The following ARHGAP39 variants were observed in gnomAD, a reference collection of about 807,000 sequenced individuals.
ARHGAP39 encodes the protein rho GTPase-activating protein 39.
Under a neutral mutation model 106.9 loss-of-function variants are expected in ARHGAP39, and 44 were observed. The ratio of observed to expected loss-of-function variants is 0.41; its 90% confidence interval spans 0.32 to 0.53. ARHGAP39 has a LOEUF of 0.53. Ranked by LOEUF, ARHGAP39 falls within the 20% of genes least tolerant of loss-of-function variation. The pLI is 0.21. For synonymous variants in ARHGAP39, 768 were observed against 693.2 expected (o/e 1.11, Z -1.69); for missense variants, 1,496 against 1,577.3 (o/e 0.95, Z 0.87).
chr8:144,560,090 C>T (rs1818086299), intron 3 of ARHGAP39, among the ~76,000 whole-genome samples: 1 of 152,190 alleles, frequency 6.6e-6, no homozygotes, highest in Non-Finnish European at 1.5e-5. Context: ...TACATTGCTT[C>T]TCAAATAAAA....
At chr8:144,533,460 T>C (rs1488749273) in intron 8 of ARHGAP39, 135 bp from the exon 9 acceptor site, 3 of 899,306 alleles carry the variant, frequency 3.3e-6, no homozygotes, top group East Asian at 5.3e-5. Flanking sequence ...TGGGTCCGAG[T>C]GTGGTGTTTC....
At chr8:144,603,614 C>A (rs992344718) in intron 2 of ARHGAP39, among the ~76,000 whole-genome samples, 1 of 149,942 alleles carries the variant, frequency 6.7e-6, no homozygotes, top group African/African-American at 2.5e-5. Flanking sequence ...TGCTTCAACC[C>A]GGGAGGCGGA....
At chr8:144,610,748 T>TA (rs1377862316) in intron 1 of ARHGAP39, among the ~76,000 whole-genome samples, 1 of 152,138 alleles carries the variant, frequency 6.6e-6, no homozygotes, top group Non-Finnish European at 1.5e-5. Context: ...TTTAGTATTA[T>TA]AAAATACCCC....
chr8:144,532,382 A>G lies in ARHGAP39; in HGVS notation c.2903T>C (p.Ile968Thr), dbSNP rs2130814827. The G allele has an allele frequency of 6.2e-7, 1 of 1,612,510 alleles. No homozygotes were observed. Among genetic ancestry groups the G allele is most frequent in the Non-Finnish European group, 8.5e-7 (1 of 1,179,634 alleles). ...CAGCTTCAGGGCATTCACCTCGTCA[A>G]TGTCCCCAGGGACCCTGCAGGGCAC... Reference protein sequence around the residue: ...TEGIFRVPGDIDEVNALKLQV... With the variant: ...TEGIFRVPGDTDEVNALKLQV... The change falls in exon 10 of 12, where the codon ATT becomes ACT. Residue 968 changes from isoleucine to threonine, a missense_variant. Ile to Thr is a moderately conservative substitution (Grantham distance 89, BLOSUM62 -1). Around this residue, in one of 4 missense-constraint regions of ARHGAP39, gnomAD observed 470 missense variants for 605.1 expected, o/e 0.78. Transcript: ENST00000377307.
rs1315179196 is a variant in ARHGAP39 at position 144,684,085 on chromosome 8, C to T, written c.-82+1601G>A. Among the ~76,000 whole-genome samples, 1 of 152,208 alleles carries T rather than the reference C, an allele frequency of 6.6e-6. No individual in the cohort carries two copies. Among genetic ancestry groups the T allele is most frequent in the East Asian group, 1.9e-4 (1 of 5,194 alleles). ...AAGCCAGTAAACAGAAGAGTCGCGACTCAGAGGCGGGCAGCCTGGCTCCAG... is the reference window on the plus strand; with the variant it reads ...AAGCCAGTAAACAGAAGAGTCGCGATTCAGAGGCGGGCAGCCTGGCTCCAG... On this transcript the variant is annotated intron_variant, in intron 1 of 11. Transcript: ENST00000377307. The surrounding 1 kb of genome is among the most constrained non-coding windows in gnomAD (Gnocchi z 4.4).
At chr8:144,556,872 A>C (rs76652651) in intron 3 of ARHGAP39, among the ~76,000 whole-genome samples, 1 of 79,454 alleles carries the variant, frequency 1.3e-5, no homozygotes, top group Non-Finnish European at 2.2e-5. Flanking sequence ...TAGTATTCAG[A>C]GGCAAAAGGC....
In ARHGAP39 at chr8:144,545,638, C is replaced by T; in HGVS notation, c.2132G>A (p.Arg711Gln). 3 of 1,613,684 alleles carry T rather than the reference C, an allele frequency of 1.9e-6. No individual in the cohort carries two copies. Among genetic ancestry groups the T allele is most frequent in the Middle Eastern group, 1.7e-4 (1 of 6,060 alleles). The change falls in exon 6 of 12, where the codon CGG becomes CAG. Residue 711 changes from arginine (R) to glutamine (Q), a missense_variant. Coordinates refer to ENST00000377307, the MANE Select transcript of ARHGAP39 (RefSeq NM_025251.3). ...CATGTTGGCGATGGACACCTTCCGC[C>T]GGAAGAGGCCCTGCGTGTGCTTGTT... Reference protein sequence around the residue: ...HFNKHTQGLFRRKVSIANMLA... With the variant: ...HFNKHTQGLFQRKVSIANMLA...
intron 2 of ARHGAP39, among the ~76,000 whole-genome samples, chr8:144,592,838 C>T (rs992441413): frequency 1.1e-4 from 16 of 152,326 alleles, no homozygotes; most frequent in Non-Finnish European, 1.9e-4. Context: ...ACCTCAAGGA[C>T]GGAGGCGTAC....
At chr8:144,601,681 T>A (rs1356431645) in intron 2 of ARHGAP39, among the ~76,000 whole-genome samples, 2 of 136,826 alleles carry the variant, frequency 1.5e-5, no homozygotes, top group African/African-American at 2.8e-5. Context: ...TGCGAGCTCA[T>A]GTACCTGTGT....
At position 144,585,422 on chromosome 8, in the gene ARHGAP39, G is replaced by T. The variant is rs574063659; in HGVS notation, c.81-4145C>A. On this transcript the variant is annotated intron_variant, in intron 2 of 11. Coordinates refer to ENST00000377307, the MANE Select transcript of ARHGAP39 (RefSeq NM_025251.3). The surrounding 1 kb of genome is among the most constrained non-coding windows in gnomAD (Gnocchi z 4.6). ...CGAGAACCTGGAGGGGCCAGCCAGGGGTACCCAGCACCGGCTCACCGAGAA... is the reference window on the plus strand; with the variant it reads ...CGAGAACCTGGAGGGGCCAGCCAGGTGTACCCAGCACCGGCTCACCGAGAA... Among the ~76,000 whole-genome samples the T allele has an allele frequency of 1.9e-3, 292 of 150,912 alleles. 1 individual carries two copies. Among genetic ancestry groups the T allele is most frequent in the African/African-American group, 6.8e-3 (278 of 41,088 alleles).
At chr8:144,606,432 G>A (rs2130947701) in intron 1 of ARHGAP39, among the ~76,000 whole-genome samples, 1 of 152,304 alleles carries the variant, frequency 6.6e-6, no homozygotes, top group East Asian at 1.9e-4. Flanking sequence ...TCCACGTAAT[G>A]ACAGTAAATA....
chr8:144,580,698 T>A, intron 3 of ARHGAP39, 148 bp downstream of exon 3: 84 of 617,976 alleles, frequency 1.4e-4, no homozygotes, highest in Non-Finnish European at 1.7e-4. Context: ...CCGCCCACCA[T>A]ACCCGACCTA....
Position 144,619,421 on chromosome 8 carries a change from A to G in ARHGAP39, c.-81-13726T>C, listed in dbSNP as rs115788898. On this transcript the variant is annotated intron_variant, in intron 1 of 11. Coordinates refer to ENST00000377307, the MANE Select transcript of ARHGAP39 (RefSeq NM_025251.3). ...ATGTGCGTGTGCGCCCGTGTGCGTG[A>G]GCCCGTGTGTCCCTGAGACAGCAGG... 9.3e-3 allele frequency among the ~76,000 whole-genome samples: 1,408 copies of G among 151,432 alleles called. 20 individuals carry two copies. The highest frequency in any genetic ancestry group is 0.032 in the African/African-American group (1,337 of 41,176).
chr8:144,554,971 G>A (rs887121334), intron 4 of ARHGAP39, among the ~76,000 whole-genome samples: 23 of 152,224 alleles, frequency 1.5e-4, no homozygotes, highest in Non-Finnish European at 2.5e-4. Context: ...AACAGCAGCT[G>A]GCCCTGGCCC....
chr8:144,551,980 T>G (rs947872852), intron 4 of ARHGAP39, among the ~76,000 whole-genome samples: 1 of 152,146 alleles, frequency 6.6e-6, no homozygotes, highest in Admixed American at 6.6e-5. Context: ...GTCCATCTCC[T>G]CCTCACCCTC....
intron 1 of ARHGAP39, among the ~76,000 whole-genome samples, chr8:144,624,300 A>G (rs112299034): frequency 0.032 from 4,872 of 152,338 alleles, 231 homozygotes; most frequent in African/African-American, 0.11. Flanking sequence ...GGACAAAACA[A>G]TGAATCATTA....
At chr8:144,643,793 C>T (rs1251075063) in intron 1 of ARHGAP39, among the ~76,000 whole-genome samples, 1 of 152,124 alleles carries the variant, frequency 6.6e-6, no homozygotes, top group Non-Finnish European at 1.5e-5. Context: ...CCATGCCTAG[C>T]TTGTCTTTTC....
At position 144,646,139 on chromosome 8, in the gene ARHGAP39, G is replaced by A. The variant is rs1040329761; in HGVS notation, c.-82+39547C>T. On this transcript the variant is annotated intron_variant, in intron 1 of 11. Coordinates refer to ENST00000377307, the MANE Select transcript of ARHGAP39 (RefSeq NM_025251.3). This position sits in a 1 kb window ranked among gnomAD's most constrained non-coding sequence, Gnocchi z 5.7. ...GTCCGCCAGCAAGGACGGACACATC[G>A]CAAGCTTGGAGCCTGCTGGAGGAAG... Among the ~76,000 whole-genome samples the A allele has an allele frequency of 1.8e-4, 27 of 152,328 alleles. No individual in the cohort carries two copies. Among genetic ancestry groups the A allele is most frequent in the Non-Finnish European group, 2.5e-4 (17 of 68,026 alleles).
Position 144,530,796 on chromosome 8 carries a change from G to A in ARHGAP39, c.3056C>T (p.Ala1019Val), listed in dbSNP as rs1218594281. ...CGCCGCCTCGGGGCTGTCGTAGTGC[G>A]CGATGCACTGCTCGTAGAACTCGTG... ...IPHEFYEQCI[A>V]HYDSPEAAVA... Residue 1019 changes from alanine (A) to valine (V), a missense_variant, in exon 11 of 12, where the codon GCG becomes GTG. By Grantham distance (64) the Ala-to-Val change is moderately conservative. Transcript: ENST00000377307. 1.2e-6 allele frequency: 2 copies of A among 1,611,982 alleles called. No individual in the cohort carries two copies. Among genetic ancestry groups the A allele is most frequent in the African/African-American group, 1.3e-5 (1 of 75,042 alleles).
Sources: allele counts gnomAD v4.1 joint callset (sites outside exome capture counted in the v4.1 genomes callset), GRCh38; gene constraint gnomAD v4.1.1; regional missense constraint gnomAD v4.1.1; non-coding constraint Gnocchi (gnomAD v3.1); transcripts MANE v1.5; gene names NCBI Gene and HGNC (gene_info 2026-07-23, HGNC 2026-07-21).